Variants in WDR20 observed in about 807,000 individuals in gnomAD.
WDR20 encodes WD repeat-containing protein 20.
Under a neutral mutation model 38.7 loss-of-function variants are expected in WDR20, and 3 were observed. That is an observed-to-expected ratio of 0.08 (90% CI 0.04 to 0.20). WDR20 has a LOEUF of 0.20. Ranked by LOEUF, WDR20 falls within the 10% of genes least tolerant of loss-of-function variation. WDR20 has a pLI of 1.00. For missense variants in WDR20, 559 were observed against 727.7 expected (o/e 0.77, Z 2.67); for synonymous variants, 298 against 285.6 (o/e 1.04, Z -0.44).
chr14:102,140,103 C>G lies in WDR20; in HGVS notation c.180C>G (p.Gly60=), dbSNP rs1372393955. 3.7e-6 allele frequency: 6 copies of G among 1,614,012 alleles called. No individual in the cohort carries two copies. Among genetic ancestry groups the G allele is most frequent in the Non-Finnish European group, 5.1e-6 (6 of 1,180,036 alleles). ...TCGTAAACCTCAACGACCAGTCTGG[C>G]AACGGCGACCGCCTCTGCTTCAATG... ...VSFVNLNDQS[G]NGDRLCFNVG... The change falls in exon 1 of 3, where the codon GGC becomes GGG. Residue 60 remains glycine (G), a synonymous_variant. Coordinates refer to ENST00000342702, the MANE Select transcript of WDR20 (RefSeq NM_144574.4).
chr14:102,192,211 G>A (rs1294047049), intron 1 of WDR20, among the ~76,000 whole-genome samples: 2 of 149,138 alleles, frequency 1.3e-5, no homozygotes, highest in Admixed American at 6.7e-5. Flanking sequence ...ACAGAGTCTC[G>A]CTCTGTCACC....
At chr14:102,178,480 C>T (rs1247334434) in intron 1 of WDR20, among the ~76,000 whole-genome samples, 1 of 151,974 alleles carries the variant, frequency 6.6e-6, no homozygotes, top group Admixed American at 6.6e-5. Context: ...TGCACCTCTT[C>T]TCCCTCTCTT....
chr14:102,146,289 G>T (rs182067339), intron 1 of WDR20, among the ~76,000 whole-genome samples: 3 of 151,890 alleles, frequency 2.0e-5, no homozygotes, highest in African/African-American at 7.3e-5. Flanking sequence ...CTCAGCCTCC[G>T]AAGTAGCTGG....
At chr14:102,172,346 T>G (rs1405253030) in intron 1 of WDR20, among the ~76,000 whole-genome samples, 2 of 150,958 alleles carry the variant, frequency 1.3e-5, no homozygotes, top group Non-Finnish European at 3.0e-5. Context: ...TTTCTCAATC[T>G]TTTCCCCACC....
rs746438768 is a variant in WDR20 at position 102,200,457 on chromosome 14, A to AT, written c.432+5348dup. 2.4e-3 allele frequency among the ~76,000 whole-genome samples: 261 copies of AT among 110,984 alleles called. 2 individuals carry two copies. The highest frequency in any genetic ancestry group is 7.2e-3 in the African/African-American group (203 of 28,168). The allele number at this position is 110,984 out of a possible 152,430, so 72.8% of individuals were successfully genotyped here. A position where few individuals can be genotyped will look rare whatever the true frequency, so the allele number is the denominator to read the frequency against. On this transcript the variant is annotated intron_variant, in intron 2 of 2. Transcript: ENST00000342702. ...CAGGGGCGAGGAGTTTACTTTTTAAATTTTTTTTTTTGTGTGTGTGTGTGT... is the reference window on the plus strand; with the variant it reads ...CAGGGGCGAGGAGTTTACTTTTTAAATTTTTTTTTTTTGTGTGTGTGTGTGT...
chr14:102,188,872 CAA>C (rs34508888), intron 1 of WDR20, among the ~76,000 whole-genome samples: 18,865 of 97,264 alleles, frequency 0.19, 1,758 homozygotes, highest in African/African-American at 0.33. Flanking sequence ...GACCCTGTTT[CAA>C]AAAAAAAAAA....
chr14:102,158,993 A>G (rs1304456770), intron 1 of WDR20, among the ~76,000 whole-genome samples: 1 of 151,452 alleles, frequency 6.6e-6, no homozygotes, highest in Non-Finnish European at 1.5e-5. Context: ...CCCAGACTGT[A>G]GTGTAGTAAT....
intron 1 of WDR20, chr14:102,191,440 A>T (rs1163783962): frequency 6.6e-6 from 1 of 152,366 alleles, no homozygotes; most frequent in East Asian, 1.9e-4. Context: ...AGGAAATAGG[A>T]TGGTCACTTA....
intron 1 of WDR20, among the ~76,000 whole-genome samples, chr14:102,173,402 C>T (rs2061375170): frequency 6.6e-6 from 1 of 150,756 alleles, no homozygotes; most frequent in Non-Finnish European, 1.5e-5. Context: ...GTGTGTGCCA[C>T]CGCGCCCGGC....
intron 1 of WDR20, among the ~76,000 whole-genome samples, chr14:102,152,279 T>C (rs776666962): frequency 3.9e-5 from 6 of 152,122 alleles, no homozygotes; most frequent in Non-Finnish European, 5.9e-5. Context: ...CTGGAAGTAT[T>C]GATAAGAAAG....
At chr14:102,144,702 TTG>T (rs2052948954) in intron 1 of WDR20, among the ~76,000 whole-genome samples, 3 of 147,880 alleles carry the variant, frequency 2.0e-5, no homozygotes, top group South Asian at 2.1e-4. Flanking sequence ...TTTTTTTGTT[TTG>T]TTTTTTTTTT....
intron 1 of WDR20, among the ~76,000 whole-genome samples, chr14:102,158,062 T>C (rs1253598506): frequency 6.6e-6 from 1 of 152,094 alleles, no homozygotes; most frequent in Non-Finnish European, 1.5e-5. Context: ...GTCTCAAGCA[T>C]TACCCCTGTT....
intron 1 of WDR20, among the ~76,000 whole-genome samples, chr14:102,163,358 T>G (rs1438485598): frequency 1.3e-5 from 2 of 152,138 alleles, no homozygotes; most frequent in Non-Finnish European, 2.9e-5. Flanking sequence ...CCAGGTGCAG[T>G]GGCTCACGCC....
rs1451953657 is a variant in WDR20, at chr14:102,220,784, A to T, written c.1693-2046A>T. On this transcript the variant is annotated intron_variant, in intron 3 of 3. Coordinates refer to the WDR20 transcript ENST00000335263. The surrounding 1 kb of genome is among the most constrained non-coding windows in gnomAD (Gnocchi z 4.2). The stretch of plus-strand genomic sequence containing the variant: ...ACTTGTTTTTATTATCTATCTTTTC[A>T]TTTTTTGAGACAGGGTCTTGCTCTA... Among the ~76,000 whole-genome samples the T allele has an allele frequency of 6.6e-6, 1 of 151,312 alleles. No individual in the cohort carries two copies. The highest frequency in any genetic ancestry group is 1.9e-4 in the East Asian group (1 of 5,174).
chr14:102,169,774 C>T (rs1263063517), intron 1 of WDR20, among the ~76,000 whole-genome samples: 2 of 152,118 alleles, frequency 1.3e-5, no homozygotes, highest in Non-Finnish European at 2.9e-5. Flanking sequence ...GTGATCCACC[C>T]GACTCGGCCT....
At position 102,222,618 on chromosome 14, in the gene WDR20, G is replaced by A. The variant is rs2064036924; in HGVS notation, c.1693-212G>A. 6.6e-6 allele frequency among the ~76,000 whole-genome samples: 1 copy of A among 152,212 alleles called. No homozygotes were observed. The highest frequency in any genetic ancestry group is 2.4e-5 in the African/African-American group (1 of 41,452). ...TCTCTTGGACGGTATTGAGGCCACAGTATTGCACCCAGCAGGGTTCCAATT... is the reference window on the plus strand; with the variant it reads ...TCTCTTGGACGGTATTGAGGCCACAATATTGCACCCAGCAGGGTTCCAATT... On this transcript the variant is annotated intron_variant, in intron 3 of 3. Coordinates refer to the WDR20 transcript ENST00000335263. This position sits in a 1 kb window ranked among gnomAD's most constrained non-coding sequence, Gnocchi z 4.4.
At chr14:102,148,690 TGTGTGTGTG>T (rs2054592921) in intron 1 of WDR20, among the ~76,000 whole-genome samples, 2 of 151,302 alleles carry the variant, frequency 1.3e-5, no homozygotes, top group Non-Finnish European at 2.9e-5. Flanking sequence ...TGTGTGTGTG[TGTGTGTGTG>T]TGTGTGTGTT....
chr14:102,153,708 C>T (rs1181479409), intron 1 of WDR20, among the ~76,000 whole-genome samples: 1 of 152,164 alleles, frequency 6.6e-6, no homozygotes, highest in African/African-American at 2.4e-5. Context: ...AACTTGTGCC[C>T]TCCCTAGAAC....
intron 1 of WDR20, among the ~76,000 whole-genome samples, chr14:102,148,308 C>T (rs2054395181): frequency 6.6e-6 from 1 of 152,006 alleles, no homozygotes; most frequent in Non-Finnish European, 1.5e-5. Context: ...TTTTAGGAGA[C>T]CGAGGCAGGA....
Sources: gnomAD v4.1 joint callset for allele counts (sites outside exome capture counted in the v4.1 genomes callset) on GRCh38, gnomAD v4.1.1 for gene constraint, Gnocchi (gnomAD v3.1) non-coding constraint, MANE v1.5 for transcripts, NCBI Gene and HGNC (gene_info 2026-07-23, HGNC 2026-07-21) for gene names.